SEMA3A: variants seen among roughly 807,000 people sequenced by gnomAD.
SEMA3A encodes semaphorin-3A.
A neutral mutation model predicts 97.9 loss-of-function variants in SEMA3A; 29 were observed. The observed-to-expected ratio is 0.30, with a 90% CI of 0.22 to 0.40. The LOEUF (loss-of-function observed/expected upper bound fraction) is 0.40. SEMA3A is among the 10% of genes least tolerant of loss of function. SEMA3A has a pLI of 1.00. For synonymous variants in SEMA3A, 321 were observed against 323.7 expected (o/e 0.99, Z 0.09); for missense variants, 763 against 951.3 (o/e 0.80, Z 2.60).
At position 84,416,363 on chromosome 7, in the gene SEMA3A, C is replaced by G. The variant is rs1198185403; in HGVS notation, c.-245-44463G>C. Among the ~76,000 whole-genome samples, 3 of 152,208 alleles carry G rather than the reference C, an allele frequency of 2.0e-5. No individual in the cohort carries two copies. In the East Asian group the frequency reaches 5.8e-4, roughly 29 times the overall value. On this transcript the variant is annotated intron_variant, in intron 1 of 3. Coordinates refer to the SEMA3A transcript ENST00000424555. ...TTCCGCCATGATTCTGAGGCCTCCC[C>G]AGCCATGTGGAACTGTAAGTCCAAT...
At position 84,160,265 on chromosome 7, in the gene SEMA3A, CTATCTATCTAT is replaced by C. The variant is rs1796989299; in HGVS notation, c.113-25325_113-25315del. Among the ~76,000 whole-genome samples, 4 of 138,216 alleles carry C rather than the reference CTATCTATCTAT, an allele frequency of 2.9e-5. No individual in the cohort carries two copies. The South Asian group carries it at 8.8e-4, about 30-fold the overall frequency. 90.7% of individuals were successfully genotyped at this position (138,216 alleles called of 152,430 possible). On this transcript the variant is annotated intron_variant, in intron 1 of 16. Coordinates refer to ENST00000265362, the MANE Select transcript of SEMA3A (RefSeq NM_006080.3). ...TCTATCTATCTATCTATCTATCTAT[CTATCTATCTAT>C]CGTTAGTTCGTTCTAAACTATGACA...
intron 3 of SEMA3A, among the ~76,000 whole-genome samples, chr7:84,255,791 C>T (rs1011642486): frequency 1.3e-5 from 2 of 150,620 alleles, no homozygotes; most frequent in Admixed American, 1.3e-4. Context: ...CAGAAACACT[C>T]GGCACTGATT....
In SEMA3A at chr7:83,985,427, T is replaced by C; in HGVS notation, c.1494+9A>G. On this transcript the variant is annotated intron_variant, in intron 13 of 16. Transcript: ENST00000265362. ...TTGGATATTCAATGGTAATACATAA[T>C]GATAGTACCTGCTTAGTGGAAAGCT... is the stretch of plus-strand genomic sequence containing the variant. The C allele has an allele frequency of 6.3e-7, 1 of 1,595,594 alleles. No individual in the cohort carries two copies. Among genetic ancestry groups the C allele is most frequent in the Non-Finnish European group, 8.6e-7 (1 of 1,164,814 alleles).
chr7:84,160,717 A>G (rs1347406996), intron 1 of SEMA3A, among the ~76,000 whole-genome samples: 2 of 151,884 alleles, frequency 1.3e-5, no homozygotes, highest in Non-Finnish European at 2.9e-5. Flanking sequence ...GTCTCTACTA[A>G]TAATACAAAA....
intron 2 of SEMA3A, among the ~76,000 whole-genome samples, chr7:84,362,567 T>C (rs996775198): frequency 3.3e-5 from 5 of 152,110 alleles, no homozygotes; most frequent in African/African-American, 1.2e-4. Context: ...CTTTGTAATC[T>C]TATCCTTCAA....
In SEMA3A at chr7:84,406,207, C is replaced by A. The variant is rs1466053006; in HGVS notation, c.-245-34307G>T. ...ATCAAATAGATGCAATAAAAAATGA[C>A]AAAGGGGATATCACCACCGATCCCA... is the stretch of plus-strand genomic sequence containing the variant. On this transcript the variant is annotated intron_variant, in intron 1 of 3. Coordinates refer to the SEMA3A transcript ENST00000424555. 2.6e-5 allele frequency among the ~76,000 whole-genome samples: 4 copies of A among 151,868 alleles called. No individual in the cohort carries two copies. The South Asian group carries it at 8.3e-4, about 31-fold the overall frequency.
chr7:84,011,121 C>T, intron 8 of SEMA3A, 30 bp from the exon 9 acceptor site: 2 of 1,605,402 alleles, frequency 1.2e-6, no homozygotes, highest in Non-Finnish European at 1.7e-6. Flanking sequence ...GAGAAAGTTG[C>T]TTTTTTATGG....
chr7:84,352,609 C>T (rs1477280624), intron 2 of SEMA3A, among the ~76,000 whole-genome samples: 2 of 151,672 alleles, frequency 1.3e-5, no homozygotes, highest in Non-Finnish European at 3.0e-5. Flanking sequence ...AAGCAATAAA[C>T]TATTTGCCCA....
At chr7:84,053,868 G>C (rs1443857607) in intron 5 of SEMA3A, among the ~76,000 whole-genome samples, 2 of 118,572 alleles carry the variant, frequency 1.7e-5, no homozygotes, top group African/African-American at 5.3e-5. Context: ...TCCTTTCCAT[G>C]TTTAGCGCTT....
chr7:83,984,152 A>G (rs1207768737), intron 13 of SEMA3A, among the ~76,000 whole-genome samples: 1 of 152,168 alleles, frequency 6.6e-6, no homozygotes, highest in African/African-American at 2.4e-5. Context: ...ACGTGGAGTT[A>G]GTGCAATTAA....
chr7:84,378,593 G>T (rs1282055502), intron 1 of SEMA3A, among the ~76,000 whole-genome samples: 3 of 152,062 alleles, frequency 2.0e-5, no homozygotes, highest in African/African-American at 7.2e-5. Context: ...AGCATTAGGA[G>T]AAATACCTAA....
chr7:84,247,005 G>A (rs1424104958), intron 3 of SEMA3A, among the ~76,000 whole-genome samples: 9 of 152,018 alleles, frequency 5.9e-5, no homozygotes, highest in African/African-American at 1.9e-4. Flanking sequence ...TGTCATTAAT[G>A]CCATCAAAAA....
chr7:84,134,174 T>A (rs1796052847), intron 2 of SEMA3A, among the ~76,000 whole-genome samples: 1 of 152,216 alleles, frequency 6.6e-6, no homozygotes, highest in Non-Finnish European at 1.5e-5. Context: ...GACCACATTT[T>A]TAAAAATCTG....
intron 1 of SEMA3A, among the ~76,000 whole-genome samples, chr7:84,407,020 C>T (rs369008223): frequency 2.4e-4 from 37 of 152,174 alleles, no homozygotes; most frequent in African/African-American, 5.8e-4. Context: ...TCACCACTCC[C>T]ATTCAACATA....
At chr7:84,089,064 A>G (rs564946704) in intron 4 of SEMA3A, among the ~76,000 whole-genome samples, 2 of 152,256 alleles carry the variant, frequency 1.3e-5, no homozygotes, top group East Asian at 3.9e-4. Flanking sequence ...TAATGAGTCA[A>G]TTTAGAGCTG....
At chr7:84,164,848 T>A (rs1797150308) in intron 1 of SEMA3A, among the ~76,000 whole-genome samples, 1 of 152,150 alleles carries the variant, frequency 6.6e-6, no homozygotes. Flanking sequence ...ACAAAGAATC[T>A]GCATTTTAAT....
rs375826317 is a variant in SEMA3A at position 84,342,901 on chromosome 7, G to A, written c.-169+28923C>T. Among the ~76,000 whole-genome samples, 64 of 152,270 alleles carry A rather than the reference G, an allele frequency of 4.2e-4. 1 individual carries two copies. In the East Asian group the frequency reaches 0.01, roughly 24 times the overall value. ...ACACTATAGGCTGTGCAAACTATGTGAGCAAAATTATGGCCTCCTGATTGT... is the reference window on the plus strand; with the variant it reads ...ACACTATAGGCTGTGCAAACTATGTAAGCAAAATTATGGCCTCCTGATTGT... On this transcript the variant is annotated intron_variant, in intron 2 of 3. Transcript: ENST00000424555.
chr7:84,358,581 G>A (rs1446110442), intron 2 of SEMA3A, among the ~76,000 whole-genome samples: 1 of 152,070 alleles, frequency 6.6e-6, no homozygotes, highest in African/African-American at 2.4e-5. Flanking sequence ...GATGCCTCCA[G>A]CTTTGTTCTT....
intron 3 of SEMA3A, among the ~76,000 whole-genome samples, chr7:84,275,863 AT>A (rs1800280323): frequency 6.6e-6 from 1 of 152,108 alleles, no homozygotes; most frequent in Non-Finnish European, 1.5e-5. Context: ...AAATAATTTT[AT>A]TTTTATGATA....
Sources: gnomAD v4.1 joint callset for allele counts (sites outside exome capture counted in the v4.1 genomes callset) on GRCh38, gnomAD v4.1.1 for gene constraint, MANE v1.5 for transcripts, NCBI Gene and HGNC (gene_info 2026-07-23, HGNC 2026-07-21) for gene names.